FTO: variants seen among roughly 807,000 people sequenced by gnomAD.
FTO encodes FTO alpha-ketoglutarate dependent dioxygenase.
FTO carries 47 observed loss-of-function variants against 63.9 expected under a neutral mutation model. That is an observed-to-expected ratio of 0.74 (90% CI 0.58 to 0.94). The LOEUF (loss-of-function observed/expected upper bound fraction) is 0.94, where lower values mean the gene tolerates loss of function less well. Ranked by LOEUF, FTO falls within the 40% of genes least tolerant of loss-of-function variation. The pLI, the probability that FTO is intolerant of heterozygous loss-of-function variation, is 0.00. For synonymous variants in FTO, 207 were observed against 224.4 expected (o/e 0.92, Z 0.69); for missense variants, 562 against 618.1 (o/e 0.91, Z 0.96).
intron 8 of FTO, among the ~76,000 whole-genome samples, chr16:54,048,469 G>A (rs1364945298): frequency 1.3e-5 from 2 of 152,102 alleles, no homozygotes; most frequent in Admixed American, 1.3e-4. Context: ...AGCCATAAAT[G>A]TGGCACAGAT....
chr16:53,847,128 T>C (rs2079644869), intron 4 of FTO, among the ~76,000 whole-genome samples: 1 of 152,200 alleles, frequency 6.6e-6, no homozygotes, highest in Admixed American at 6.5e-5. Flanking sequence ...AAATATTAGC[T>C]ATACTGCAAA....
chr16:53,722,082 T>G (rs1386838049), intron 1 of FTO, among the ~76,000 whole-genome samples: 1 of 152,180 alleles, frequency 6.6e-6, no homozygotes, highest in Non-Finnish European at 1.5e-5. Context: ...TTTTCTTCAG[T>G]CCCTCCTCTT....
intron 2 of FTO, among the ~76,000 whole-genome samples, chr16:53,817,295 G>A (rs971418225): frequency 6.6e-6 from 1 of 152,212 alleles, no homozygotes; most frequent in East Asian, 1.9e-4. Flanking sequence ...AGTGACTCCA[G>A]AAGTGTATCC....
intron 7 of FTO, among the ~76,000 whole-genome samples, chr16:53,915,582 T>G (rs540215670): frequency 1.1e-4 from 17 of 152,188 alleles, no homozygotes; most frequent in Non-Finnish European, 1.8e-4. Context: ...AAACACTAAA[T>G]GTGAGCCTCC....
intron 1 of FTO, among the ~76,000 whole-genome samples, chr16:53,725,116 G>C (rs970997029): frequency 6.6e-6 from 1 of 152,094 alleles, no homozygotes; most frequent in African/African-American, 2.4e-5. Flanking sequence ...ATGTCTACAG[G>C]AGTACTTCCT....
chr16:54,001,942 A>G (rs1189191018), intron 8 of FTO, among the ~76,000 whole-genome samples: 2 of 152,224 alleles, frequency 1.3e-5, no homozygotes, highest in Non-Finnish European at 2.9e-5. Flanking sequence ...TATAGGCCCC[A>G]GAAGGGGCTT....
intron 2 of FTO, among the ~76,000 whole-genome samples, chr16:53,816,499 A>ACCCC (rs5816908): frequency 7.2e-6 from 1 of 138,232 alleles, no homozygotes; most frequent in Admixed American, 7.3e-5. Flanking sequence ...CCCACTCCCC[A>ACCCC]CCCCCCCTCA....
chr16:54,035,911 GTTTTGAGGTCGGGA>G (rs1218722982), intron 8 of FTO, among the ~76,000 whole-genome samples: 2 of 152,108 alleles, frequency 1.3e-5, no homozygotes, highest in East Asian at 3.9e-4. Context: ...AATTTCTTTG[GTTTTGAGGTCGGGA>G]TTTTGTTTTT....
intron 1 of FTO, among the ~76,000 whole-genome samples, chr16:53,708,365 A>G (rs1396485261): frequency 4.2e-5 from 6 of 143,230 alleles, no homozygotes; most frequent in African/African-American, 1.5e-4. Context: ...ACTGTGTCTC[A>G]AAAAAAAAAA....
chr16:53,746,598 T>A (rs923200810), intron 1 of FTO, among the ~76,000 whole-genome samples: 1 of 152,158 alleles, frequency 6.6e-6, no homozygotes, highest in Non-Finnish European at 1.5e-5. Flanking sequence ...ATCATAGTTG[T>A]AAATATTATG....
chr16:53,806,561 A>G (rs2078373710), intron 1 of FTO, among the ~76,000 whole-genome samples: 2 of 152,074 alleles, frequency 1.3e-5, no homozygotes, highest in Non-Finnish European at 2.9e-5. Flanking sequence ...GTTTTTGTTT[A>G]CTGTTGCTTT....
chr16:54,041,811 C>T lies in FTO; in HGVS notation c.1365-69951C>T, dbSNP rs139899721. Among the ~76,000 whole-genome samples the T allele has an allele frequency of 7.3e-3, 1,113 of 152,342 alleles. 14 individuals are homozygous for T. Among genetic ancestry groups the T allele is most frequent in the African/African-American group, 0.026 (1,069 of 41,582 alleles). On this transcript the variant is annotated intron_variant, in intron 8 of 8. Coordinates refer to ENST00000471389, the MANE Select transcript of FTO (RefSeq NM_001080432.3). ...AGAATTGTTGTGCACGCTGGCTCTT[C>T]TGCAAGACACACGATGGAGGTTGAG...
intron 4 of FTO, among the ~76,000 whole-genome samples, chr16:53,850,860 C>T (rs77665318): frequency 0.011 from 1,736 of 152,096 alleles, 34 homozygotes; most frequent in African/African-American, 0.038. Flanking sequence ...CATCTCTGAA[C>T]GTACTAAAAT....
chr16:53,827,330 T>TAA (rs2079033795), intron 3 of FTO, among the ~76,000 whole-genome samples: 2 of 152,232 alleles, frequency 1.3e-5, no homozygotes, highest in Non-Finnish European at 2.9e-5. Flanking sequence ...ATGACCTCTG[T>TAA]TGACTTTCTT....
chr16:54,055,103 A>C (rs2085400919), intron 8 of FTO, among the ~76,000 whole-genome samples: 1 of 152,208 alleles, frequency 6.6e-6, no homozygotes, highest in African/African-American at 2.4e-5. Flanking sequence ...CCGTTAGTTC[A>C]TACCAGCGAA....
chr16:53,915,944 C>A (rs1424733897), intron 7 of FTO, among the ~76,000 whole-genome samples: 1 of 152,198 alleles, frequency 6.6e-6, no homozygotes, highest in Non-Finnish European at 1.5e-5. Flanking sequence ...AGTAGGAATT[C>A]ATGCCAACCG....
chr16:53,909,906 C>CTTGCT (rs2081644543), intron 7 of FTO, among the ~76,000 whole-genome samples: 1 of 151,946 alleles, frequency 6.6e-6, no homozygotes, highest in African/African-American at 2.4e-5. Flanking sequence ...GGGACAGGAT[C>CTTGCT]TTGCTCTGTC....
At chr16:54,036,733 A>G (rs575216159) in intron 8 of FTO, among the ~76,000 whole-genome samples, 1 of 152,306 alleles carries the variant, frequency 6.6e-6, no homozygotes, top group Non-Finnish European at 1.5e-5. Context: ...TCTCTTCCAT[A>G]AATGGAGGCA....
rs138229807 is a variant in FTO, at chr16:53,897,007, G to A, written c.1239+8056G>A. Among the ~76,000 whole-genome samples, 698 of 152,244 alleles carry A rather than the reference G, an allele frequency of 4.6e-3. 5 individuals are homozygous for A. The highest frequency in any genetic ancestry group is 0.016 in the African/African-American group (646 of 41,550). On this transcript the variant is annotated intron_variant, in intron 7 of 8. Coordinates refer to ENST00000471389, the MANE Select transcript of FTO (RefSeq NM_001080432.3). The stretch of plus-strand genomic sequence containing the variant: ...GAACACATTAAGTTGGCCCTTCCGT[G>A]CCTTATGGTAACATAACCACCATCC...
Sources: allele counts gnomAD v4.1 joint callset (sites outside exome capture counted in the v4.1 genomes callset), GRCh38; gene constraint gnomAD v4.1.1; transcripts MANE v1.5; gene names NCBI Gene and HGNC (gene_info 2026-07-23, HGNC 2026-07-21).